BORA: variants seen among roughly 807,000 people sequenced by gnomAD.
BORA encodes BORA aurora kinase A activator.
Under a neutral mutation model 55.8 loss-of-function variants are expected in BORA, and 26 were observed. That is an observed-to-expected ratio of 0.47 (90% CI 0.34 to 0.65). The LOEUF (loss-of-function observed/expected upper bound fraction) is 0.65. Ranked by LOEUF, BORA falls within the 30% of genes least tolerant of loss-of-function variation. The pLI, the probability that BORA is intolerant of heterozygous loss-of-function variation, is 0.01. For synonymous variants in BORA, 201 were observed against 216.9 expected (o/e 0.93, Z 0.64); for missense variants, 568 against 671.5 (o/e 0.85, Z 1.70).
At chr13:72,755,041 A>G in intron 11 of BORA, 110 bp from the exon 12 acceptor site, 4 of 812,016 alleles carry the variant, frequency 4.9e-6, no homozygotes, top group Non-Finnish European at 8.3e-6. Context: ...CTGTCCCTTC[A>G]GAGTTCAGCT....
intron 7 of BORA, 101 bp downstream of exon 7, chr13:72,744,662 C>CA: frequency 1.1e-6 from 1 of 887,740 alleles, no homozygotes; most frequent in Middle Eastern, 3.5e-4. Context: ...GGCAGTGCCT[C>CA]TTTCTAAAGA....
intron 2 of BORA, 133 bp downstream of exon 2, chr13:72,729,226 T>G: frequency 2.6e-6 from 2 of 774,486 alleles, no homozygotes; most frequent in Non-Finnish European, 3.8e-6. Flanking sequence ...GCAATATACT[T>G]TTTTAAATTG....
At chr13:72,748,166 AT>A (rs2033191559) in intron 10 of BORA, among the ~76,000 whole-genome samples, 1 of 152,102 alleles carries the variant, frequency 6.6e-6, no homozygotes, top group Admixed American at 6.5e-5. Context: ...ACTTTGTTGA[AT>A]TTTTACAGCA....
At chr13:72,739,313 C>T (rs1325807008) in intron 5 of BORA, among the ~76,000 whole-genome samples, 1 of 152,130 alleles carries the variant, frequency 6.6e-6, no homozygotes, top group African/African-American at 2.4e-5. Flanking sequence ...GATGCAGGAT[C>T]AAGAAGATGC....
Position 72,728,191 on chromosome 13 carries a change from C to A in BORA, c.-16+184C>A, listed in dbSNP as rs374607666. 3.7e-6 allele frequency: 3 copies of A among 814,878 alleles called. No individual in the cohort carries two copies. The Admixed American group carries it at 6.0e-5, about 16-fold the overall frequency. 50.5% of individuals were successfully genotyped at this position (814,878 alleles called of 1,614,324 possible). A position where few individuals can be genotyped will look rare whatever the true frequency, so the allele number is the denominator to read the frequency against. ...GGTTGGGGGCGACGCCTCCTTCGCA[C>A]TCCATCCAGGGAAGCCGGCTGCATC... On this transcript the variant is annotated intron_variant, in intron 1 of 11. Coordinates refer to ENST00000390667, the MANE Select transcript of BORA (RefSeq NM_024808.5).
At chr13:72,728,034 C>G (rs1406121975) in intron 1 of BORA, 27 bp downstream of exon 1, 1 of 1,550,438 alleles carries the variant, frequency 6.4e-7, no homozygotes, top group African/African-American at 1.4e-5. Context: ...TGGTCCCTGG[C>G]CTTTCCTCCT....
In BORA at chr13:72,755,194, CT is replaced by C; in HGVS notation, c.1662del (p.Gln555AsnfsTer30). The C allele has an allele frequency of 6.2e-7, 1 of 1,613,506 alleles. No homozygotes were observed. ...AGGTGTTGGATGAAAACAGCAAGCCCTTTTCAATGCAGCAGTCCATAGAATG... is the reference window on the plus strand; with the variant it reads ...AGGTGTTGGATGAAAACAGCAAGCCCTTTCAATGCAGCAGTCCATAGAATG... ...TQRCWMKTASPFQCSSP is the reference protein window; with the variant it reads ...TQRCWMKTASXFQCSSP On this transcript the variant is annotated frameshift_variant, in exon 12 of 12. Transcript: ENST00000390667. LOFTEE classifies it high-confidence loss of function.
At position 72,727,954 on chromosome 13, in the gene BORA, T is replaced by G. The variant is rs995428037; in HGVS notation, c.-69T>G. On this transcript the variant is annotated 5_prime_UTR_variant, in exon 1 of 12. Coordinates refer to ENST00000390667, the MANE Select transcript of BORA (RefSeq NM_024808.5). ...TCTATGCCTGTCGTGGAAGCTGGCC[T>G]GGCCCCCGGAGCTCCCTGGAGTCGG... 160 of 1,550,512 alleles carry G rather than the reference T, an allele frequency of 1.0e-4. No homozygotes were observed. Among genetic ancestry groups the G allele is most frequent in the Non-Finnish European group, 1.4e-4 (155 of 1,146,998 alleles).
chr13:72,728,701 AAAT>A (rs2032741626), intron 1 of BORA, among the ~76,000 whole-genome samples: 1 of 152,202 alleles, frequency 6.6e-6, no homozygotes, highest in African/African-American at 2.4e-5. Flanking sequence ...TACTTTCGCA[AAAT>A]AATATCACTA....
At chr13:72,735,543 T>G (rs969828132) in intron 4 of BORA, among the ~76,000 whole-genome samples, 6 of 152,132 alleles carry the variant, frequency 3.9e-5, no homozygotes, top group Admixed American at 2.0e-4. Context: ...TAAAAATAAT[T>G]AAGTTTTTTG....
intron 9 of BORA, 59 bp from the exon 10 acceptor site, chr13:72,746,442 G>A: frequency 6.6e-7 from 1 of 1,523,240 alleles, no homozygotes; most frequent in Non-Finnish European, 8.8e-7. Context: ...CCATTTAGTA[G>A]TGACTTTTCC....
At chr13:72,732,121 A>C (rs547325907) in intron 3 of BORA, among the ~76,000 whole-genome samples, 1 of 152,306 alleles carries the variant, frequency 6.6e-6, no homozygotes, top group African/African-American at 2.4e-5. Context: ...ACCAGATTTT[A>C]ATTTGCTGTC....
chr13:72,749,056 C>T (rs2033210454), intron 10 of BORA, among the ~76,000 whole-genome samples: 1 of 152,100 alleles, frequency 6.6e-6, no homozygotes, highest in Non-Finnish European at 1.5e-5. Context: ...AAAAATGTTT[C>T]ATACATTACA....
At chr13:72,728,609 A>G (rs2032739180) in intron 1 of BORA, among the ~76,000 whole-genome samples, 1 of 152,164 alleles carries the variant, frequency 6.6e-6, no homozygotes, top group Non-Finnish European at 1.5e-5. Context: ...GCCTGTTGTA[A>G]CCTTTAGTTT....
At chr13:72,754,929 G>A (rs980888670) in intron 11 of BORA, 12 of 452,362 alleles carry the variant, frequency 2.7e-5, no homozygotes, top group African/African-American at 2.2e-4. Context: ...GCCAGGGCTA[G>A]TCCCAAACTC....
chr13:72,734,066 G>A (rs1392519642), intron 3 of BORA, among the ~76,000 whole-genome samples: 2 of 152,102 alleles, frequency 1.3e-5, no homozygotes, highest in Admixed American at 6.6e-5. Context: ...AGGGTGAGAG[G>A]AGGGAGATCA....
At chr13:72,728,817 G>C (rs2032744669) in intron 1 of BORA, 109 bp from the exon 2 acceptor site, 3 of 935,578 alleles carry the variant, frequency 3.2e-6, no homozygotes, top group South Asian at 2.1e-5. Context: ...AAGAGTGTGA[G>C]GTTTTGAGTT....
chr13:72,734,266 G>A (rs968363416), intron 3 of BORA, among the ~76,000 whole-genome samples: 1 of 152,162 alleles, frequency 6.6e-6, no homozygotes, highest in African/African-American at 2.4e-5. Context: ...CCAATTTACT[G>A]ATGGAAGGCA....
chr13:72,747,453 C>CATG lies in BORA; in HGVS notation c.1482+342_1482+343insATG, dbSNP rs1354237491. ...TCCAGTCCCCCAAAACATGCAAGGT[C>CATG]TGGTATAGTATTTGCATTCTAAAAA... On this transcript the variant is annotated intron_variant, in intron 10 of 11. Coordinates refer to ENST00000390667, the MANE Select transcript of BORA (RefSeq NM_024808.5). 2.6e-5 allele frequency among the ~76,000 whole-genome samples: 4 copies of CATG among 152,150 alleles called. No individual in the cohort carries two copies. In the East Asian group the frequency reaches 7.7e-4, roughly 29 times the overall value.
Sources: gnomAD v4.1 joint callset for allele counts (sites outside exome capture counted in the v4.1 genomes callset) on GRCh38, gnomAD v4.1.1 for gene constraint, MANE v1.5 for transcripts, NCBI Gene and HGNC (gene_info 2026-07-23, HGNC 2026-07-21) for gene names.